Variants in CELF6 observed in about 807,000 individuals in gnomAD.
CELF6 encodes the protein CUGBP Elav-like family member 6.
In CELF6, 32 loss-of-function variants were observed where a neutral mutation model predicts 53.1. The ratio of observed to expected loss-of-function variants is 0.60; its 90% CI spans 0.46 to 0.81. CELF6 has a LOEUF of 0.81. Among genes scored for constraint, CELF6 ranks in the 30% least tolerant of loss-of-function variants. The probability of loss-of-function intolerance (pLI) is 0.00; values close to 1 mark genes in which losing one functional copy is unlikely to be tolerated. For synonymous variants in CELF6, 291 were observed against 288.8 expected (o/e 1.01, Z -0.08); for missense variants, 539 against 669.5 (o/e 0.81, Z 2.15).
intron 2 of CELF6, among the ~76,000 whole-genome samples, chr15:72,312,480 T>A (rs893503719): frequency 5.9e-5 from 9 of 151,932 alleles, no homozygotes; most frequent in African/African-American, 2.2e-4. Context: ...TACAAAAAAA[T>A]TAGCTTGGCG....
Position 72,288,719 on chromosome 15 carries a change from A to G in CELF6, c.1094-101T>C, listed in dbSNP as rs1339037262. 26 of 1,389,774 alleles carry G rather than the reference A, an allele frequency of 1.9e-5. No individual in the cohort carries two copies. The highest frequency in any genetic ancestry group is 2.8e-5 in the African/African-American group (2 of 70,208). The allele number at this position is 1,389,774 out of a possible 1,614,324, so 86.1% of individuals were successfully genotyped here. On this transcript the variant is annotated intron_variant, in intron 9 of 12. Transcript: ENST00000287202. The surrounding 1 kb of genome is among the most constrained non-coding windows in gnomAD (Gnocchi z 4.6). Reference sequence around the variant, plus strand: ...TTTGACCAATTCAGCCCAGTCCACCATAACCCTCACCCCAAGAGAGGTCGT... The same window carrying G: ...TTTGACCAATTCAGCCCAGTCCACCGTAACCCTCACCCCAAGAGAGGTCGT...
rs2087907153 is a variant in CELF6 at position 72,285,231 on chromosome 15, A to G, written c.*1140T>C. 2 of 152,658 alleles carry G rather than the reference A, an allele frequency of 1.3e-5. No individual in the cohort carries two copies. The highest frequency in any genetic ancestry group is 4.8e-5 in the African/African-American group (2 of 41,468). The allele number at this position is 152,658 out of a possible 1,614,324, so 9.5% of individuals were successfully genotyped here. ...GAATGAAGAAGTATTTTGGCAAAAC[A>G]TCTACTTCCCTCCCAGGTCTGGGGT... is the stretch of plus-strand genomic sequence containing the variant. On this transcript the variant is annotated 3_prime_UTR_variant, in exon 13 of 13. Coordinates refer to ENST00000287202, the MANE Select transcript of CELF6 (RefSeq NM_052840.5).
intron 2 of CELF6, among the ~76,000 whole-genome samples, chr15:72,308,724 G>C (rs183974371): frequency 1.8e-4 from 28 of 151,800 alleles, no homozygotes; most frequent in African/African-American, 6.3e-4. Flanking sequence ...ATTTATTTTG[G>C]AGACTGAGTC....
At position 72,288,871 on chromosome 15, in the gene CELF6, C is replaced by CA; in HGVS notation, c.1089_1090insT (p.Ala364CysfsTer34). 1 of 1,550,906 alleles carries CA rather than the reference C, an allele frequency of 6.4e-7. No homozygotes were observed. The highest frequency in any genetic ancestry group is 8.7e-7 in the Non-Finnish European group (1 of 1,146,976). On this transcript the variant is annotated frameshift_variant, in exon 9 of 13. Transcript: ENST00000287202. LOFTEE classifies it high-confidence loss of function. This position sits in a 1 kb window ranked among gnomAD's most constrained non-coding sequence, Gnocchi z 4.6. ...GCCGCGTAGCGCCAAGTGAAACCTG[C>CA]GTAGTGGTGCATCCCAGCGTAGGCC...
intron 12 of CELF6, 98 bp downstream of exon 12, chr15:72,287,139 A>G (rs1244473928): frequency 8.9e-7 from 1 of 1,125,708 alleles, no homozygotes; most frequent in Admixed American, 2.4e-5. Flanking sequence ...AGACTTTCTC[A>G]GAGGTGGGTG....
Position 72,288,386 on chromosome 15 carries a change from G to A in CELF6, c.1240C>T (p.Gln414Ter). ...PQEFGDAELIQTFLPFGAVVS... is the reference protein window; with the variant it reads ...PQEFGDAELI ...ACGGCTCCAAAGGGCAGGAATGTCT[G>A]TATGAGTTCCGCATCACCAAACTCC... The change falls in exon 11 of 13, where the codon CAG becomes TAG. Residue 414 changes from glutamine (Q) to a stop codon, truncating the protein, a stop_gained. Coordinates refer to ENST00000287202, the MANE Select transcript of CELF6 (RefSeq NM_052840.5). LOFTEE classifies it high-confidence loss of function. The surrounding 1 kb of genome is among the most constrained non-coding windows in gnomAD (Gnocchi z 4.6). 6.2e-7 allele frequency: 1 copy of A among 1,614,156 alleles called. No homozygotes were observed. Among genetic ancestry groups the A allele is most frequent in the Non-Finnish European group, 8.5e-7 (1 of 1,180,006 alleles).
intron 2 of CELF6, among the ~76,000 whole-genome samples, chr15:72,313,068 G>A (rs1050063869): frequency 2.8e-4 from 42 of 152,260 alleles, no homozygotes; most frequent in African/African-American, 1.0e-3. Flanking sequence ...ACCTGCAGAT[G>A]AAACAGTGAG....
intron 2 of CELF6, among the ~76,000 whole-genome samples, chr15:72,307,238 T>C (rs61100297): frequency 0.058 from 8,763 of 152,122 alleles, 598 homozygotes; most frequent in African/African-American, 0.16. Context: ...GGACGCCACC[T>C]TCTCTCCTCC....
At chr15:72,306,175 G>A (rs192762643) in intron 2 of CELF6, 2 of 973,380 alleles carry the variant, frequency 2.1e-6, no homozygotes, top group East Asian at 2.3e-4. Flanking sequence ...ATCACATGAG[G>A]TAATGGGGAC....
Position 72,319,538 on chromosome 15 carries a change from G to A in CELF6, c.262+75C>T. On this transcript the variant is annotated intron_variant, in intron 1 of 12. Transcript: ENST00000287202. The surrounding 1 kb of genome is among the most constrained non-coding windows in gnomAD (Gnocchi z 5.0). ...TTGGACTGGCTCTCGGCAGGGCTAG[G>A]GCTGGGGCTGGGCTGGGGTCGGGCC... 2.0e-6 allele frequency: 3 copies of A among 1,464,424 alleles called. No homozygotes were observed. Among genetic ancestry groups the A allele is most frequent in the Non-Finnish European group, 1.8e-6 (2 of 1,097,220 alleles). The allele number at this position is 1,464,424 out of a possible 1,614,324, so 90.7% of individuals were successfully genotyped here.
intron 2 of CELF6, chr15:72,306,019 G>A (rs2088225402): frequency 1.1e-6 from 1 of 915,030 alleles, no homozygotes; most frequent in African/African-American, 1.8e-5. Flanking sequence ...GGAACCAGAT[G>A]AGGCTCTTAA....
chr15:72,306,554 TAAA>T (rs397966975), intron 2 of CELF6, among the ~76,000 whole-genome samples: 1 of 79,064 alleles, frequency 1.3e-5, no homozygotes, highest in Non-Finnish European at 2.8e-5. Flanking sequence ...GAGGGCTTAC[TAAA>T]AAAAAAAAAA....
intron 2 of CELF6, among the ~76,000 whole-genome samples, chr15:72,314,929 T>C (rs906999469): frequency 1.3e-5 from 2 of 152,166 alleles, no homozygotes; most frequent in African/African-American, 2.4e-5. Flanking sequence ...TAGCTTATGA[T>C]GCCTCCCTAT....
chr15:72,304,630 C>T (rs2088202180), intron 3 of CELF6, 116 bp downstream of exon 3: 1 of 890,216 alleles, frequency 1.1e-6, no homozygotes, highest in Admixed American at 2.0e-5. Context: ...CTGAGCCCCA[C>T]CTGTCCCCTT....
chr15:72,318,659 G>A (rs897088998), intron 1 of CELF6, among the ~76,000 whole-genome samples: 1 of 152,114 alleles, frequency 6.6e-6, no homozygotes, highest in South Asian at 2.1e-4. Context: ...ACAGGACCGT[G>A]TATCTCTCTA....
At chr15:72,303,970 G>C (rs1232663736) in intron 3 of CELF6, among the ~76,000 whole-genome samples, 1 of 152,040 alleles carries the variant, frequency 6.6e-6, no homozygotes, top group Non-Finnish European at 1.5e-5. Flanking sequence ...CGATTCTCCT[G>C]CCTCAGCCTC....
At chr15:72,313,768 T>C in intron 2 of CELF6, 2 of 979,550 alleles carry the variant, frequency 2.0e-6, no homozygotes, top group Non-Finnish European at 2.4e-6. Flanking sequence ...TTTGCTCCCA[T>C]GATTAGATGA....
At chr15:72,306,423 G>A (rs1317173757) in intron 2 of CELF6, 5 of 398,160 alleles carry the variant, frequency 1.3e-5, no homozygotes, top group South Asian at 1.0e-4. Flanking sequence ...GCTCGTTGCC[G>A]AGACAACAGG....
rs889360140 is a variant in CELF6 at position 72,320,094 on chromosome 15, G to T, written c.-220C>A. The T allele has an allele frequency of 1.1e-5, 7 of 654,946 alleles. No individual in the cohort carries two copies. Among genetic ancestry groups the T allele is most frequent in the African/African-American group, 1.8e-5 (1 of 55,262 alleles). 40.6% of individuals were successfully genotyped at this position (654,946 alleles called of 1,614,324 possible). ...CGGGGCGGGCCCGGGCCGAGGTGGCGGCTGAACGCTGGGGTCTGGCTTGAG... is the reference window on the plus strand; with the variant it reads ...CGGGGCGGGCCCGGGCCGAGGTGGCTGCTGAACGCTGGGGTCTGGCTTGAG... On this transcript the variant is annotated 5_prime_UTR_variant, in exon 1 of 13. Transcript: ENST00000287202.
Sources: allele counts gnomAD v4.1 joint callset (sites outside exome capture counted in the v4.1 genomes callset), GRCh38; gene constraint gnomAD v4.1.1; non-coding constraint Gnocchi (gnomAD v3.1); transcripts MANE v1.5; gene names NCBI Gene and HGNC (gene_info 2026-07-23, HGNC 2026-07-21).